Variants in LUC7L2 observed in about 807,000 individuals in gnomAD.
The protein encoded by LUC7L2 is LUC7 like 2, pre-mRNA splicing factor.
In LUC7L2, 25 loss-of-function variants were observed where a neutral mutation model predicts 52.8. The observed-to-expected ratio is 0.47, with a 90% CI of 0.34 to 0.66. LUC7L2 has a LOEUF of 0.66. Ranked by LOEUF, LUC7L2 falls within the 30% of genes least tolerant of loss-of-function variation. LUC7L2 has a pLI of 0.01. For missense variants in LUC7L2, 328 were observed against 497.8 expected, an observed-to-expected ratio of 0.66 and a Z score of 3.25; for synonymous variants, 144 against 160.9, an observed-to-expected ratio of 0.89 and a Z score of 0.80.
At chr7:139,391,423 T>TTA (rs1022197523) in intron 2 of LUC7L2, among the ~76,000 whole-genome samples, 58 of 152,334 alleles carry the variant, frequency 3.8e-4, no homozygotes, top group African/African-American at 1.3e-3. Context: ...ATTCTATCGT[T>TTA]TATATATTCA....
chr7:139,388,133 T>C (rs1264072504), intron 2 of LUC7L2, among the ~76,000 whole-genome samples: 1 of 152,156 alleles, frequency 6.6e-6, no homozygotes, highest in Non-Finnish European at 1.5e-5. Context: ...CTTTCTGTAC[T>C]ATTGAAAAAA....
Position 139,407,177 on chromosome 7 carries a change from G to GT in LUC7L2, c.517dup (p.Tyr173LeufsTer19). 6.2e-7 allele frequency: 1 copy of GT among 1,606,980 alleles called. No homozygotes were observed. The highest frequency in any genetic ancestry group is 8.5e-7 in the Non-Finnish European group (1 of 1,176,712). On this transcript the variant is annotated frameshift_variant, in exon 6 of 10. Coordinates refer to ENST00000354926, the MANE Select transcript of LUC7L2 (RefSeq NM_016019.5). LOFTEE classifies it high-confidence loss of function. ...TGTTTTTCTCACTTTTGTTTAGGAA[G>GT]TTTATCGGAATTCTATGCCAGCTTC...
At position 139,422,233 on chromosome 7, in the gene LUC7L2, T is replaced by A. The variant is rs1295091604; in HGVS notation, c.1072T>A (p.Ser358Thr). 1.2e-6 allele frequency: 2 copies of A among 1,614,148 alleles called. No homozygotes were observed. ...CAGAGACAGGAGTTCAAGAGACAGA[T>A]CACCTCGTGACAGAGATCGGAAAGA... ...CDRDRSSRDR[S>T]PRDRDRKDKK... Residue 358 changes from serine to threonine, a missense_variant, in exon 10 of 10, where the codon TCA becomes ACA. Around this residue, in one of 2 missense-constraint regions of LUC7L2, gnomAD observed 195 missense variants for 223.3 expected, o/e 0.87. Transcript: ENST00000354926.
At chr7:139,341,296 C>A in intron 1 of LUC7L2, 1 of 1,520,622 alleles carries the variant, frequency 6.6e-7, no homozygotes, top group Non-Finnish European at 8.8e-7. Flanking sequence ...GTAGTCTGTC[C>A]GACCGTACCA....
intron 8 of LUC7L2, among the ~76,000 whole-genome samples, chr7:139,414,133 A>AT (rs1795487711): frequency 6.6e-6 from 1 of 151,746 alleles, no homozygotes; most frequent in African/African-American, 2.4e-5. Flanking sequence ...GTGCTTGCCC[A>AT]CCCCCCTTCT....
At chr7:139,374,837 C>A in intron 1 of LUC7L2, 1 of 1,022,452 alleles carries the variant, frequency 9.8e-7, no homozygotes, top group Non-Finnish European at 1.2e-6. Context: ...TAGTATATGA[C>A]CATATGAAGG....
chr7:139,341,418 C>G (rs199542596), intron 1 of LUC7L2: 2 of 1,613,496 alleles, frequency 1.2e-6, no homozygotes, highest in Non-Finnish European at 1.7e-6. Flanking sequence ...GCACACTTTT[C>G]GAGGACTTCT....
chr7:139,362,569 G>A (rs1224686488), intron 1 of LUC7L2, among the ~76,000 whole-genome samples: 1 of 151,952 alleles, frequency 6.6e-6, no homozygotes, highest in Non-Finnish European at 1.5e-5. Flanking sequence ...GTATCCAGGA[G>A]GTGGGAGAGA....
At chr7:139,383,299 A>C (rs1479452572) in intron 2 of LUC7L2, among the ~76,000 whole-genome samples, 11 of 151,206 alleles carry the variant, frequency 7.3e-5, no homozygotes, top group Non-Finnish European at 1.0e-4. Context: ...TTGTATTTTT[A>C]GTAGAGACGG....
At chr7:139,366,327 T>C (rs977925052) in intron 1 of LUC7L2, among the ~76,000 whole-genome samples, 2 of 152,218 alleles carry the variant, frequency 1.3e-5, no homozygotes, top group Non-Finnish European at 2.9e-5. Flanking sequence ...TGGTTTTTGT[T>C]TTTAATCTTA....
rs574285154 is a variant in LUC7L2 at position 139,409,370 on chromosome 7, C to G, written c.688-193C>G. 1.6e-4 allele frequency among the ~76,000 whole-genome samples: 24 copies of G among 149,424 alleles called. No homozygotes were observed. In the South Asian group the frequency reaches 2.3e-3, roughly 15 times the overall value. The stretch of plus-strand genomic sequence containing the variant: ...AAGGTGAAATTTTACACATTTTCCA[C>G]AAAATGGGGAAAGATTATGGAAAGA... On this transcript the variant is annotated intron_variant, in intron 6 of 9. Transcript: ENST00000354926.
chr7:139,412,227 A>C (rs1013378039), intron 7 of LUC7L2, among the ~76,000 whole-genome samples: 12 of 150,498 alleles, frequency 8.0e-5, no homozygotes, highest in East Asian at 3.9e-4. Context: ...TAAAAAAAAA[A>C]AAAACAAAAA....
chr7:139,355,113 G>C (rs1799571313), upstream of LUC7L2, among the ~76,000 whole-genome samples: 1 of 66,132 alleles, frequency 1.5e-5, no homozygotes, highest in Non-Finnish European at 2.5e-5. Flanking sequence ...CTCCTGCGTA[G>C]ATCTCCCAAA....
Position 139,417,606 on chromosome 7 carries a change from G to A in LUC7L2, c.878G>A (p.Arg293Gln), listed in dbSNP as rs1349933817. The A allele has an allele frequency of 6.2e-7, 1 of 1,614,152 alleles. No homozygotes were observed. Among genetic ancestry groups the A allele is most frequent in the South Asian group, 1.1e-5 (1 of 91,088 alleles). The change falls in exon 9 of 10, where the codon CGA becomes CAA. Residue 293 changes from arginine (R) to glutamine (Q), a missense_variant. Around this residue, in one of 2 missense-constraint regions of LUC7L2, gnomAD observed 195 missense variants for 223.3 expected, o/e 0.87. Transcript: ENST00000354926. ...SMSRERKRRTRSKSREKRHRH... is the reference protein window; with the variant it reads ...SMSRERKRRTQSKSREKRHRH... ...TCACGTGAACGCAAGAGGAGAACTC[G>A]ATCCAAATCTCGGGAGAAACGCCAT...
chr7:139,344,538 GTTGA>G (rs772933253), intron 1 of LUC7L2, among the ~76,000 whole-genome samples: 9 of 151,896 alleles, frequency 5.9e-5, no homozygotes, highest in Non-Finnish European at 1.3e-4. Flanking sequence ...TTTATCACAA[GTTGA>G]TTGAATCCAA....
chr7:139,410,599 C>G (rs984274584), intron 7 of LUC7L2, among the ~76,000 whole-genome samples: 2 of 152,150 alleles, frequency 1.3e-5, no homozygotes, highest in Admixed American at 6.5e-5. Flanking sequence ...TTTTTAACTT[C>G]AGCAGCTTTA....
At chr7:139,418,571 A>G (rs1795733626) in intron 9 of LUC7L2, among the ~76,000 whole-genome samples, 1 of 152,198 alleles carries the variant, frequency 6.6e-6, no homozygotes, top group Non-Finnish European at 1.5e-5. Flanking sequence ...AAAATCTATA[A>G]TAAAATCCAC....
chr7:139,420,018 T>A (rs1795815827), intron 9 of LUC7L2, among the ~76,000 whole-genome samples: 1 of 151,926 alleles, frequency 6.6e-6, no homozygotes, highest in South Asian at 2.1e-4. Flanking sequence ...TATGTTTTGC[T>A]GTTCTCCTTT....
chr7:139,413,481 G>A (rs1795457369), intron 8 of LUC7L2, among the ~76,000 whole-genome samples: 2 of 152,266 alleles, frequency 1.3e-5, no homozygotes, highest in South Asian at 4.2e-4. Flanking sequence ...TTGTTGTTAT[G>A]AAAGAAAAAC....
Sources: gnomAD v4.1 joint callset for allele counts (sites outside exome capture counted in the v4.1 genomes callset) on GRCh38, gnomAD v4.1.1 for gene constraint, gnomAD v4.1.1 regional missense constraint, MANE v1.5 for transcripts, NCBI Gene and HGNC (gene_info 2026-07-23, HGNC 2026-07-21) for gene names.